The following AKAP6 variants were observed in gnomAD, a reference collection of about 807,000 sequenced individuals.
AKAP6 encodes A-kinase anchor protein 6.
Under a neutral mutation model 188.5 loss-of-function variants are expected in AKAP6, and 58 were observed. That is an observed-to-expected ratio of 0.31 (90% confidence interval 0.25 to 0.38). The LOEUF (loss-of-function observed/expected upper bound fraction) is 0.38. Ranked by LOEUF, AKAP6 falls within the 10% of genes least tolerant of loss-of-function variation. AKAP6 has a pLI of 1.00. For synonymous variants in AKAP6, 989 were observed against 998.6 expected (o/e 0.99, Z 0.18); for missense variants, 2,710 against 2,740.0 (o/e 0.99, Z 0.24).
intron 1 of AKAP6, among the ~76,000 whole-genome samples, chr14:32,405,462 CATT>C (rs1306714781): frequency 6.6e-6 from 1 of 152,092 alleles, no homozygotes; most frequent in African/African-American, 2.4e-5. Flanking sequence ...ACAATGTTGA[CATT>C]ATTCAAATTT....
intron 11 of AKAP6, among the ~76,000 whole-genome samples, chr14:32,773,008 T>C (rs542405283): frequency 1.3e-5 from 2 of 152,356 alleles, no homozygotes; most frequent in Admixed American, 1.3e-4. Flanking sequence ...CAAAATGCTA[T>C]TTTGGTGCCG....
chr14:32,357,595 T>C (rs574983923), intron 1 of AKAP6, among the ~76,000 whole-genome samples: 20 of 152,344 alleles, frequency 1.3e-4, no homozygotes, highest in Non-Finnish European at 2.6e-4. Flanking sequence ...ACAGAATTAC[T>C]GAACAGAAGA....
At chr14:32,616,242 G>A (rs11845587) in intron 7 of AKAP6, among the ~76,000 whole-genome samples, 3 of 152,004 alleles carry the variant, frequency 2.0e-5, no homozygotes, top group South Asian at 4.1e-4. Flanking sequence ...CCCAGCAATC[G>A]CATTACTGGG....
intron 12 of AKAP6, among the ~76,000 whole-genome samples, chr14:32,811,067 G>A (rs769012784): frequency 1.3e-5 from 2 of 151,590 alleles, no homozygotes; most frequent in African/African-American, 4.8e-5. Flanking sequence ...GAGAAACCCC[G>A]TCTCTACTAA....
Position 32,822,540 on chromosome 14 carries a change from A to G in AKAP6, c.4727A>G (p.Asp1576Gly), listed in dbSNP as rs201966160. Residue 1576 changes from aspartate (D) to glycine (G), a missense_variant, in exon 13 of 14, where the codon GAT (aspartate) becomes GGT (glycine). By Grantham distance (94) the Asp-to-Gly change is moderately conservative. Around this residue, in one of 2 missense-constraint regions of AKAP6, gnomAD observed 2,473 missense variants for 2,426.1 expected, o/e 1.02. Transcript: ENST00000280979. ...SSIESLSPGGDLFGLGIFKNG... is the reference protein window; with the variant it reads ...SSIESLSPGGGLFGLGIFKNG... ...ATTGAGTCCCTTTCTCCAGGGGGTG[A>G]TTTATTTGGATTGGGCATCTTTAAA... 46 of 1,614,008 alleles carry G rather than the reference A, an allele frequency of 2.9e-5. No homozygotes were observed. In the East Asian group the frequency reaches 1.0e-3, roughly 36 times the overall value.
chr14:32,342,709 A>G (rs527866060), intron 1 of AKAP6, among the ~76,000 whole-genome samples: 1 of 152,310 alleles, frequency 6.6e-6, no homozygotes, highest in South Asian at 2.1e-4. Context: ...ATGCAGTGTC[A>G]GCGCTGGATG....
chr14:32,348,065 T>C (rs1421205920), intron 1 of AKAP6, among the ~76,000 whole-genome samples: 4 of 152,198 alleles, frequency 2.6e-5, no homozygotes, highest in Admixed American at 6.5e-5. Context: ...CTGCTGTGGA[T>C]AGTAAGATAC....
At chr14:32,402,833 G>A (rs1158923420) in intron 1 of AKAP6, among the ~76,000 whole-genome samples, 1 of 151,786 alleles carries the variant, frequency 6.6e-6, no homozygotes, top group African/African-American at 2.4e-5. Flanking sequence ...GGGCTCCAGC[G>A]ATTCTCTTGC....
intron 7 of AKAP6, among the ~76,000 whole-genome samples, chr14:32,629,770 T>A (rs1887181485): frequency 6.6e-6 from 1 of 150,896 alleles, no homozygotes. Context: ...AAATTATGTC[T>A]TTTATAAGAA....
chr14:32,550,156 A>G (rs1883389864), intron 4 of AKAP6, among the ~76,000 whole-genome samples: 1 of 152,254 alleles, frequency 6.6e-6, no homozygotes, highest in South Asian at 2.1e-4. Context: ...GATGATGACT[A>G]TGATACCAAC....
At chr14:32,771,337 A>C (rs1420052204) in intron 11 of AKAP6, among the ~76,000 whole-genome samples, 1 of 91,738 alleles carries the variant, frequency 1.1e-5, no homozygotes, top group African/African-American at 4.3e-5. Flanking sequence ...GTGTTCATTT[A>C]AAGGAAAAAA....
chr14:32,737,428 A>C (rs371751920), intron 11 of AKAP6, among the ~76,000 whole-genome samples: 20 of 152,316 alleles, frequency 1.3e-4, no homozygotes, highest in African/African-American at 4.3e-4. Flanking sequence ...TAATATAATA[A>C]TAACGTAATA....
intron 8 of AKAP6, among the ~76,000 whole-genome samples, chr14:32,684,748 T>C (rs1252823581): frequency 6.6e-6 from 1 of 152,022 alleles, no homozygotes; most frequent in Non-Finnish European, 1.5e-5. Flanking sequence ...TTCATGTTTT[T>C]TTTTTTGAGA....
At chr14:32,457,082 G>A (rs1338969044) in intron 2 of AKAP6, among the ~76,000 whole-genome samples, 3 of 151,968 alleles carry the variant, frequency 2.0e-5, no homozygotes, top group Admixed American at 2.0e-4. Context: ...TATTAGTCAG[G>A]GAACTCTGAG....
intron 13 of AKAP6, among the ~76,000 whole-genome samples, chr14:32,825,306 C>T (rs1402792617): frequency 3.3e-5 from 5 of 152,140 alleles, no homozygotes; most frequent in Admixed American, 2.6e-4. Context: ...ATGTAACTAT[C>T]GTCACATTTG....
At chr14:32,356,880 G>A (rs1017047614) in intron 1 of AKAP6, among the ~76,000 whole-genome samples, 3 of 152,018 alleles carry the variant, frequency 2.0e-5, no homozygotes, top group African/African-American at 7.2e-5. Flanking sequence ...CCCAAGTGCT[G>A]TCTCCTGGGG....
chr14:32,651,210 G>A (rs779385914), intron 7 of AKAP6, among the ~76,000 whole-genome samples: 4 of 152,046 alleles, frequency 2.6e-5, no homozygotes, highest in Non-Finnish European at 4.4e-5. Context: ...ACTATGCAAC[G>A]TCTGCCTTGC....
intron 7 of AKAP6, among the ~76,000 whole-genome samples, chr14:32,644,855 A>C (rs1343733212): frequency 6.6e-6 from 1 of 152,192 alleles, no homozygotes; most frequent in African/African-American, 2.4e-5. Flanking sequence ...ACCCAATAAA[A>C]TTCCCTTCAG....
chr14:32,472,404 G>A (rs1018570948), intron 2 of AKAP6, among the ~76,000 whole-genome samples: 2 of 152,116 alleles, frequency 1.3e-5, no homozygotes, highest in Non-Finnish European at 2.9e-5. Flanking sequence ...TAGGAGGAGG[G>A]CAAGTATAAA....
Sources: allele counts gnomAD v4.1 joint callset (sites outside exome capture counted in the v4.1 genomes callset), GRCh38; gene constraint gnomAD v4.1.1; regional missense constraint gnomAD v4.1.1; transcripts MANE v1.5; gene names NCBI Gene and HGNC (gene_info 2026-07-23, HGNC 2026-07-21).